SVOP: variants seen among roughly 807,000 people sequenced by gnomAD.
SVOP encodes SV2 related protein.
In SVOP, 17 loss-of-function variants were observed where a neutral mutation model predicts 69.1. That is an observed-to-expected ratio of 0.25 (90% CI 0.17 to 0.37). The LOEUF (loss-of-function observed/expected upper bound fraction) is 0.37, where lower values mean the gene tolerates loss of function less well. Ranked by LOEUF, SVOP falls within the 10% of genes least tolerant of loss-of-function variation. The pLI, the probability that SVOP is intolerant of heterozygous loss-of-function variation, is 1.00. For missense variants in SVOP, 435 were observed against 597.5 expected (o/e 0.73, Z 2.84); for synonymous variants, 238 against 238.6 (o/e 1.00, Z 0.02).
intron 15 of SVOP, 144 bp from the exon 16 acceptor site, chr12:108,912,885 T>C: frequency 1.1e-6 from 1 of 878,738 alleles, no homozygotes; most frequent in Non-Finnish European, 1.7e-6. Flanking sequence ...TCTCCCCCTT[T>C]GTCCCTCTCT....
At chr12:108,980,618 CGG>C (rs2040130483) in intron 2 of SVOP, among the ~76,000 whole-genome samples, 23,184 of 114,148 alleles carry the variant, frequency 0.2, 2,852 homozygotes, top group African/African-American at 0.28. Context: ...GGCGCGGTGG[CGG>C]GCGCCTGTAG....
rs568048556 is a variant in SVOP, at chr12:108,909,134, A to C, written c.*3401T>G. On this transcript the variant is annotated 3_prime_UTR_variant, in exon 16 of 16. Coordinates refer to ENST00000610966, the MANE Select transcript of SVOP (RefSeq NM_018711.5). ...ACATGCAGAGGATGGTGAAAAGAAAAGGCAAAAAGAAGCTGGGTTCTTGAT... is the reference window on the plus strand; with the variant it reads ...ACATGCAGAGGATGGTGAAAAGAAACGGCAAAAAGAAGCTGGGTTCTTGAT... 1.3e-5 allele frequency: 2 copies of C among 152,346 alleles called. No individual in the cohort carries two copies. Among genetic ancestry groups the C allele is most frequent in the Non-Finnish European group, 2.9e-5 (2 of 68,048 alleles). 9.4% of individuals were successfully genotyped at this position (152,346 alleles called of 1,614,324 possible).
At position 108,947,849 on chromosome 12, in the gene SVOP, G is replaced by A. The variant is rs931226346; in HGVS notation, c.579-2683C>T. ...TCCTAGCTCCTCTTAAGGGGTGGGG[G>A]TTGGGGGATAAAGGGAAGTTAATTT... On this transcript the variant is annotated intron_variant, in intron 6 of 15. Transcript: ENST00000610966. Among the ~76,000 whole-genome samples, 6 of 152,182 alleles carry A rather than the reference G, an allele frequency of 3.9e-5. No individual in the cohort carries two copies. The South Asian group carries it at 8.3e-4, about 21-fold the overall frequency.
chr12:108,960,783 C>T, intron 6 of SVOP, 140 bp downstream of exon 6: 1 of 996,856 alleles, frequency 1.0e-6, no homozygotes, highest in African/African-American at 1.6e-5. Context: ...TACACCATAG[C>T]TCCTTGATCC....
chr12:108,929,702 GC>G (rs887314000), intron 11 of SVOP, among the ~76,000 whole-genome samples: 22 of 152,198 alleles, frequency 1.4e-4, no homozygotes, highest in Middle Eastern at 3.4e-3. Context: ...CTGCTCCCTG[GC>G]TATAAATCCC....
rs749900198 is a variant in SVOP, at chr12:108,967,487, C to T, written c.453+4918G>A. Among the ~76,000 whole-genome samples the T allele has an allele frequency of 5.3e-5, 8 of 150,638 alleles. No individual in the cohort carries two copies. The South Asian group carries it at 1.3e-3, about 24-fold the overall frequency. On this transcript the variant is annotated intron_variant, in intron 5 of 15. Coordinates refer to ENST00000610966, the MANE Select transcript of SVOP (RefSeq NM_018711.5). ...GCACTCCAGCCTGGGTGACAAAGCG[C>T]GACTTTGTCTCAATTAAAAAAAAAG...
Position 108,908,538 on chromosome 12 carries a change from C to G in SVOP, c.*3997G>C, listed in dbSNP as rs928246619. On this transcript the variant is annotated 3_prime_UTR_variant, in exon 16 of 16. Coordinates refer to ENST00000610966, the MANE Select transcript of SVOP (RefSeq NM_018711.5). ...CAGCTGGAAGGGAGTTGCAGCCCCC[C>G]CCTGCAGACAGGGCTGGTGTTTCTC... 3 of 152,190 alleles carry G rather than the reference C, an allele frequency of 2.0e-5. No homozygotes were observed. Among genetic ancestry groups the G allele is most frequent in the South Asian group, 2.1e-4 (1 of 4,826 alleles). The allele number at this position is 152,190 out of a possible 1,614,324, so 9.4% of individuals were successfully genotyped here.
In SVOP at chr12:108,912,288, G is replaced by C; in HGVS notation, c.*247C>G. 7.2e-7 allele frequency: 1 copy of C among 1,387,694 alleles called. No homozygotes were observed. The highest frequency in any genetic ancestry group is 9.3e-7 in the Non-Finnish European group (1 of 1,072,504). 86.0% of individuals were successfully genotyped at this position (1,387,694 alleles called of 1,614,324 possible). On this transcript the variant is annotated 3_prime_UTR_variant, in exon 16 of 16. Coordinates refer to ENST00000610966, the MANE Select transcript of SVOP (RefSeq NM_018711.5). Reference sequence around the variant, plus strand: ...CTAATATGGGTAGTCTTCCCATGTAGATCCACAGGTTATGAACAAAGCTTT... The same window carrying C: ...CTAATATGGGTAGTCTTCCCATGTACATCCACAGGTTATGAACAAAGCTTT...
At chr12:108,980,978 G>A (rs905645130) in intron 2 of SVOP, among the ~76,000 whole-genome samples, 13 of 152,100 alleles carry the variant, frequency 8.5e-5, no homozygotes, top group Non-Finnish European at 1.5e-4. Flanking sequence ...GGTGACCTCC[G>A]AGGATCTCAT....
At chr12:108,995,230 A>G (rs952253587) in intron 1 of SVOP, among the ~76,000 whole-genome samples, 2 of 152,236 alleles carry the variant, frequency 1.3e-5, no homozygotes, top group Admixed American at 1.3e-4. Flanking sequence ...AAAGGCAGAA[A>G]CAACCAGCCA....
At chr12:109,017,462 G>T (rs1035778902) in intron 1 of SVOP, among the ~76,000 whole-genome samples, 2 of 151,944 alleles carry the variant, frequency 1.3e-5, no homozygotes, top group African/African-American at 4.8e-5. Context: ...CAATATAGTA[G>T]CCACTAGCCA....
At chr12:108,981,584 G>A (rs2040135506) in intron 2 of SVOP, among the ~76,000 whole-genome samples, 1 of 152,144 alleles carries the variant, frequency 6.6e-6, no homozygotes, top group Admixed American at 6.6e-5. Context: ...AGATTGCCTG[G>A]GCGTAAATCC....
At chr12:108,927,714 C>T (rs137886767) in intron 11 of SVOP, among the ~76,000 whole-genome samples, 198 of 151,968 alleles carry the variant, frequency 1.3e-3, no homozygotes, top group African/African-American at 4.6e-3. Context: ...GATCCTCCCA[C>T]TTCAGCCTCC....
intron 1 of SVOP, among the ~76,000 whole-genome samples, chr12:108,995,214 TAGCCAAAAGGCAGAAACAACC>T (rs2040224861): frequency 6.6e-6 from 1 of 152,052 alleles, no homozygotes; most frequent in Non-Finnish European, 1.5e-5. Flanking sequence ...TGTATCAAAA[TAGCCAAAAGGCAGAAACAACC>T]AGCCAAAAGG....
Position 108,910,920 on chromosome 12 carries a change from G to A in SVOP, c.*1615C>T, listed in dbSNP as rs923144508. ...TGACATGTTTTAATAAGAGTTGAAC[G>A]CACAAATTGGCTTCCTTGCAATGTT... On this transcript the variant is annotated 3_prime_UTR_variant, in exon 16 of 16. Transcript: ENST00000610966. The A allele has an allele frequency of 3.3e-5, 5 of 152,182 alleles. No homozygotes were observed. The highest frequency in any genetic ancestry group is 1.9e-4 in the East Asian group (1 of 5,194). The allele number at this position is 152,182 out of a possible 1,614,324, so 9.4% of individuals were successfully genotyped here.
intron 6 of SVOP, among the ~76,000 whole-genome samples, chr12:108,949,228 C>T (rs2039940803): frequency 1.3e-5 from 2 of 152,044 alleles, no homozygotes; most frequent in African/African-American, 2.4e-5. Flanking sequence ...CATTCCTCTC[C>T]CCCAAAGCCA....
intron 1 of SVOP, among the ~76,000 whole-genome samples, chr12:109,003,692 C>T (rs1302262217): frequency 6.6e-6 from 1 of 152,196 alleles, no homozygotes; most frequent in African/African-American, 2.4e-5. Context: ...ACCGCACCCT[C>T]CAACTCCTGG....
At chr12:108,979,861 A>G (rs1327903318) in intron 2 of SVOP, among the ~76,000 whole-genome samples, 1 of 152,234 alleles carries the variant, frequency 6.6e-6, no homozygotes, top group Non-Finnish European at 1.5e-5. Flanking sequence ...TTATAAGCTA[A>G]TAAGTGTTTT....
At chr12:108,920,583 C>T (rs997512112) in intron 12 of SVOP, among the ~76,000 whole-genome samples, 2 of 144,694 alleles carry the variant, frequency 1.4e-5, no homozygotes, top group African/African-American at 2.5e-5. Flanking sequence ...TTGAGATAAG[C>T]ATTTTTACAT....
Sources: gnomAD v4.1 joint callset for allele counts (sites outside exome capture counted in the v4.1 genomes callset) on GRCh38, gnomAD v4.1.1 for gene constraint, MANE v1.5 for transcripts, NCBI Gene and HGNC (gene_info 2026-07-23, HGNC 2026-07-21) for gene names.